The following EGF variants were observed in gnomAD, a reference collection of about 807,000 sequenced individuals.
The protein encoded by EGF is pro-epidermal growth factor.
A neutral mutation model predicts 143.8 loss-of-function variants in EGF; 95 were observed. That is an observed-to-expected ratio of 0.66 (90% confidence interval 0.56 to 0.78). EGF has a LOEUF of 0.78. Ranked by LOEUF, EGF falls within the 30% of genes least tolerant of loss-of-function variation. EGF has a pLI of 0.00. For missense variants in EGF, 1,320 were observed against 1,470.9 expected (o/e 0.90, Z 1.68); for synonymous variants, 510 against 510.5 (o/e 1.00, Z 0.01).
intron 5 of EGF, among the ~76,000 whole-genome samples, chr4:109,951,645 TATTA>T (rs1743945978): frequency 1.3e-5 from 2 of 152,216 alleles, no homozygotes; most frequent in African/African-American, 4.8e-5. Flanking sequence ...ACAACAGCTC[TATTA>T]ATTAAGTGTG....
At chr4:110,003,099 A>G (rs1432068828) in intron 21 of EGF, among the ~76,000 whole-genome samples, 7 of 152,160 alleles carry the variant, frequency 4.6e-5, no homozygotes, top group Admixed American at 4.6e-4. Context: ...TGTCTTTGCC[A>G]TTGCGAACAG....
chr4:109,971,020 G>A (rs558451668), intron 11 of EGF, among the ~76,000 whole-genome samples: 2 of 152,050 alleles, frequency 1.3e-5, no homozygotes, highest in South Asian at 4.2e-4. Context: ...ACCAGATACT[G>A]TGCTTTATAT....
At chr4:110,006,753 G>T (rs544140769) in intron 22 of EGF, among the ~76,000 whole-genome samples, 1 of 152,306 alleles carries the variant, frequency 6.6e-6, no homozygotes, top group East Asian at 1.9e-4. Flanking sequence ...TGAGCAACTT[G>T]TTGGCTCAGA....
intron 10 of EGF, among the ~76,000 whole-genome samples, chr4:109,967,074 T>G (rs1746722680): frequency 6.6e-6 from 1 of 152,224 alleles, no homozygotes; most frequent in Non-Finnish European, 1.5e-5. Context: ...ATCTTTGTTT[T>G]TGTTGCATTT....
At chr4:109,924,075 AT>A (rs1455672848) in intron 1 of EGF, among the ~76,000 whole-genome samples, 1 of 151,718 alleles carries the variant, frequency 6.6e-6, no homozygotes, top group African/African-American at 2.4e-5. Flanking sequence ...AAGTTATTGA[AT>A]TTTTTAGTGC....
intron 5 of EGF, among the ~76,000 whole-genome samples, chr4:109,948,841 A>G (rs1237037289): frequency 6.6e-6 from 1 of 152,174 alleles, no homozygotes; most frequent in Non-Finnish European, 1.5e-5. Flanking sequence ...CCTCATGGAT[A>G]TTATGCCTAA....
chr4:110,011,092 C>T, intron 23 of EGF, 110 bp from the exon 24 acceptor site: 3 of 1,296,206 alleles, frequency 2.3e-6, no homozygotes, highest in Non-Finnish European at 3.2e-6. Flanking sequence ...AATGGGTTAT[C>T]TTTGTGTCTC....
At chr4:109,938,666 G>A (rs2125995175) in intron 1 of EGF, among the ~76,000 whole-genome samples, 1 of 152,276 alleles carries the variant, frequency 6.6e-6, no homozygotes, top group African/African-American at 2.4e-5. Flanking sequence ...TCTACCTTTG[G>A]TCTTTGATGC....
intron 1 of EGF, among the ~76,000 whole-genome samples, chr4:109,928,329 G>T (rs530768508): frequency 3.3e-5 from 5 of 152,136 alleles, no homozygotes; most frequent in Admixed American, 6.5e-5. Flanking sequence ...GGTAAGGTGG[G>T]GTTAGGTTCC....
Position 109,999,553 on chromosome 4 carries a change from CTA to C in EGF, c.3006-122_3006-121del, listed in dbSNP as rs1463696099. 11 of 1,228,724 alleles carry C rather than the reference CTA, an allele frequency of 9.0e-6. No homozygotes were observed. In the East Asian group the frequency reaches 2.4e-4, roughly 26 times the overall value. The allele number at this position is 1,228,724 out of a possible 1,614,324, so 76.1% of individuals were successfully genotyped here. A position where few individuals can be genotyped will look rare whatever the true frequency, so the allele number is the denominator to read the frequency against. ...TTTCAACTGACCCCTGATGGATTTTCTATATGTTTCTAAAGAGCTGAGTCTGG... is the reference window on the plus strand; with the variant it reads ...TTTCAACTGACCCCTGATGGATTTTCTATGTTTCTAAAGAGCTGAGTCTGG... On this transcript the variant is annotated intron_variant, in intron 20 of 23. Transcript: ENST00000265171.
At chr4:109,990,875 A>G (rs1750835179) in intron 18 of EGF, among the ~76,000 whole-genome samples, 1 of 152,122 alleles carries the variant, frequency 6.6e-6, no homozygotes, top group Non-Finnish European at 1.5e-5. Flanking sequence ...ATGCTATTGG[A>G]TTAGGACCCC....
chr4:109,961,066 G>T, intron 7 of EGF, 77 bp downstream of exon 7: 9 of 1,539,166 alleles, frequency 5.8e-6, no homozygotes, highest in Non-Finnish European at 8.1e-6. Flanking sequence ...TATGATCTGG[G>T]TTGGTGATCT....
intron 13 of EGF, chr4:109,977,164 T>A (rs1339919419): frequency 2.6e-5 from 4 of 152,164 alleles, no homozygotes; most frequent in Admixed American, 2.0e-4. Flanking sequence ...AGATTGCATA[T>A]AGAAAATGAG....
intron 22 of EGF, among the ~76,000 whole-genome samples, chr4:110,005,713 C>T (rs1753190392): frequency 6.6e-6 from 1 of 152,174 alleles, no homozygotes; most frequent in African/African-American, 2.4e-5. Context: ...TTCTAGAAAC[C>T]TGTCAGAGTT....
chr4:109,968,204 T>A (rs1746918908), intron 10 of EGF, among the ~76,000 whole-genome samples: 1 of 152,170 alleles, frequency 6.6e-6, no homozygotes, highest in Non-Finnish European at 1.5e-5. Context: ...AACCGAAATG[T>A]CATTATGTGG....
intron 19 of EGF, 61 bp downstream of exon 19, chr4:109,993,430 C>A: frequency 6.2e-7 from 1 of 1,603,194 alleles, no homozygotes; most frequent in South Asian, 1.1e-5. Flanking sequence ...ATTCTATACC[C>A]TAATCTCTAT....
chr4:109,981,537 C>T (rs1366039004), intron 15 of EGF, among the ~76,000 whole-genome samples: 1 of 152,204 alleles, frequency 6.6e-6, no homozygotes, highest in African/African-American at 2.4e-5. Context: ...ATTTGCCTCC[C>T]TTGAATGTGC....
chr4:109,977,242 T>TC (rs1170075846), intron 13 of EGF: 1 of 152,112 alleles, frequency 6.6e-6, no homozygotes, highest in African/African-American at 2.4e-5. Context: ...AAACATGGTT[T>TC]CTCTCATTTA....
chr4:109,927,938 A>G (rs908185898), intron 1 of EGF, among the ~76,000 whole-genome samples: 1 of 151,970 alleles, frequency 6.6e-6, no homozygotes, highest in East Asian at 1.9e-4. Flanking sequence ...ATTGAGCATA[A>G]TTTGTGTTGA....
Sources: gnomAD v4.1 joint callset for allele counts (sites outside exome capture counted in the v4.1 genomes callset) on GRCh38, gnomAD v4.1.1 for gene constraint, MANE v1.5 for transcripts, NCBI Gene and HGNC (gene_info 2026-07-23, HGNC 2026-07-21) for gene names.